Variants in PCCA observed in about 807,000 individuals in gnomAD.
PCCA encodes propionyl-CoA carboxylase alpha chain, mitochondrial.
In PCCA, 74 loss-of-function variants were observed where a neutral mutation model predicts 101.3. That is an observed-to-expected ratio of 0.73 (90% CI 0.61 to 0.89). The LOEUF is 0.89. PCCA is among the 40% of genes least tolerant of loss of function. The pLI is 0.00. For missense variants in PCCA, 891 were observed against 907.0 expected, an observed-to-expected ratio of 0.98 and a Z score of 0.23; for synonymous variants, 294 against 313.6, an observed-to-expected ratio of 0.94 and a Z score of 0.66.
At chr13:100,260,022 T>G (rs1374991673) in intron 9 of PCCA, among the ~76,000 whole-genome samples, 1 of 152,184 alleles carries the variant, frequency 6.6e-6, no homozygotes, top group Non-Finnish European at 1.5e-5. Context: ...TTACTTGTGG[T>G]GTTCTGGGTT....
intron 4 of PCCA, among the ~76,000 whole-genome samples, chr13:100,132,971 G>A (rs999245411): frequency 2.0e-4 from 31 of 152,054 alleles, no homozygotes; most frequent in African/African-American, 7.2e-4. Context: ...ACTAGAGACG[G>A]GGTTTCACCA....
rs1455248244 is a variant in PCCA, at chr13:100,159,806, C to T, written c.468+2466C>T. Among the ~76,000 whole-genome samples the T allele has an allele frequency of 5.9e-5, 9 of 152,184 alleles. 1 individual carries two copies. The highest frequency in any genetic ancestry group is 5.9e-4 in the Admixed American group (9 of 15,286). ...GCCCTCAGTGCTTTCCTCACTCTCT[C>T]TGGGTGGGTGTGCCTGGCCTCCCAC... On this transcript the variant is annotated intron_variant, in intron 6 of 23. Transcript: ENST00000376285.
intron 21 of PCCA, among the ~76,000 whole-genome samples, chr13:100,468,396 A>G (rs879354770): frequency 6.6e-6 from 1 of 152,208 alleles, no homozygotes; most frequent in Admixed American, 6.5e-5. Context: ...TCTAGTTGTG[A>G]AAGTTAGATG....
intron 16 of PCCA, among the ~76,000 whole-genome samples, chr13:100,319,193 T>C (rs1464938132): frequency 6.6e-6 from 1 of 152,234 alleles, no homozygotes; most frequent in Non-Finnish European, 1.5e-5. Flanking sequence ...TTTGTTTTTT[T>C]CTTGTAAATT....
rs555314752 is a variant in PCCA at position 100,458,591 on chromosome 13, C to T, written c.1899+9286C>T. 2.6e-5 allele frequency among the ~76,000 whole-genome samples: 4 copies of T among 152,070 alleles called. No individual in the cohort carries two copies. The South Asian group carries it at 6.2e-4, about 24-fold the overall frequency. ...TCAAGGCTATAGTGAGGTATGATTA[C>T]TCCACTTCACTCCAGCCTGGGGAAC... is the stretch of plus-strand genomic sequence containing the variant. On this transcript the variant is annotated intron_variant, in intron 21 of 23. Coordinates refer to ENST00000376285, the MANE Select transcript of PCCA (RefSeq NM_000282.4).
At chr13:100,353,166 G>A (rs4771362) in intron 18 of PCCA, among the ~76,000 whole-genome samples, 65,428 of 152,020 alleles carry the variant, frequency 0.43, 14,468 homozygotes, top group Middle Eastern at 0.54. Flanking sequence ...GACAAAGAGA[G>A]AAATAGGCAA....
intron 6 of PCCA, among the ~76,000 whole-genome samples, chr13:100,179,729 CTGTGTGTGTGTGTGTT>C (rs56296108): frequency 0.23 from 34,284 of 149,914 alleles, 5,264 homozygotes; most frequent in East Asian, 0.6. Context: ...ATTTTCCTGT[CTGTGTGTGTGTGTGTT>C]TGTGTGTGTG....
chr13:100,495,527 T>C (rs2085211782), intron 21 of PCCA, among the ~76,000 whole-genome samples: 1 of 152,232 alleles, frequency 6.6e-6, no homozygotes, highest in South Asian at 2.1e-4. Flanking sequence ...AAAATCCTTA[T>C]TTGTAAAGAA....
chr13:100,411,895 T>C (rs922698110), intron 19 of PCCA, among the ~76,000 whole-genome samples: 2 of 152,172 alleles, frequency 1.3e-5, no homozygotes, highest in East Asian at 3.9e-4. Context: ...TTTTATCATA[T>C]GAATTTTGAG....
At chr13:100,090,400 G>C (rs1386912262) in intron 1 of PCCA, among the ~76,000 whole-genome samples, 1 of 152,196 alleles carries the variant, frequency 6.6e-6, no homozygotes. Context: ...AATTGCAGCT[G>C]TAAGACTTAT....
At chr13:100,429,030 G>GGA (rs1398860872) in intron 20 of PCCA, among the ~76,000 whole-genome samples, 5 of 152,002 alleles carry the variant, frequency 3.3e-5, no homozygotes, top group African/African-American at 1.2e-4. Flanking sequence ...GGTGAAGATT[G>GGA]GAGGCAAAGA....
At chr13:100,411,023 T>C (rs569101292) in intron 19 of PCCA, among the ~76,000 whole-genome samples, 65 of 152,216 alleles carry the variant, frequency 4.3e-4, no homozygotes, top group Admixed American at 8.5e-4. Flanking sequence ...AAATATAGAA[T>C]AGGGGAAAGT....
chr13:100,318,185 C>G (rs2067579391), intron 16 of PCCA, among the ~76,000 whole-genome samples: 1 of 152,150 alleles, frequency 6.6e-6, no homozygotes, highest in Admixed American at 6.5e-5. Context: ...TGGCCTATCA[C>G]ACGCTGAATG....
rs533498225 is a variant in PCCA at position 100,336,673 on chromosome 13, C to T, written c.1541-3484C>T. ...GTTGGGTAAAAGATTGTGCTCTAGG[C>T]TCTGGGAATACAGAGGTAAAACTGT... On this transcript the variant is annotated intron_variant, in intron 17 of 23. Transcript: ENST00000376285. 3.3e-5 allele frequency among the ~76,000 whole-genome samples: 5 copies of T among 152,262 alleles called. No homozygotes were observed. The South Asian group carries it at 6.2e-4, about 19-fold the overall frequency.
intron 21 of PCCA, among the ~76,000 whole-genome samples, chr13:100,496,965 C>T (rs1016891044): frequency 6.6e-6 from 1 of 152,142 alleles, no homozygotes; most frequent in African/African-American, 2.4e-5. Context: ...GGATGGAGTT[C>T]GGAAGATGTC....
At chr13:100,407,043 G>C (rs962973557) in intron 19 of PCCA, among the ~76,000 whole-genome samples, 3 of 152,176 alleles carry the variant, frequency 2.0e-5, no homozygotes, top group African/African-American at 7.2e-5. Context: ...ATCCAGGGTA[G>C]TTACAGTTAG....
At chr13:100,482,584 T>A (rs1308858171) in intron 21 of PCCA, among the ~76,000 whole-genome samples, 1 of 147,300 alleles carries the variant, frequency 6.8e-6, no homozygotes, top group East Asian at 1.9e-4. Context: ...AGGTTTTTTG[T>A]TTTGGTTTTT....
In PCCA at chr13:100,225,602, T is replaced by C. The variant is rs114454246; in HGVS notation, c.601-10240T>C. ...GACCCTAAAAACAAAAACCAAAAAA[T>C]TGGAGACAAGCTGTGTCTCAGCAAT... On this transcript the variant is annotated intron_variant, in intron 7 of 23. Transcript: ENST00000376285. 3.1e-3 allele frequency among the ~76,000 whole-genome samples: 478 copies of C among 152,252 alleles called. 2 individuals are homozygous for C. Among genetic ancestry groups the C allele is most frequent in the African/African-American group, 0.011 (457 of 41,550 alleles).
At chr13:100,159,854 G>A (rs1293495723) in intron 6 of PCCA, among the ~76,000 whole-genome samples, 1 of 152,168 alleles carries the variant, frequency 6.6e-6, no homozygotes, top group Non-Finnish European at 1.5e-5. Flanking sequence ...ACTGCTGCCT[G>A]CCCTTGAAGG....
Sources: allele counts gnomAD v4.1 joint callset (sites outside exome capture counted in the v4.1 genomes callset), GRCh38; gene constraint gnomAD v4.1.1; transcripts MANE v1.5; gene names NCBI Gene and HGNC (gene_info 2026-07-23, HGNC 2026-07-21).